LRFN5: variants seen among roughly 807,000 people sequenced by gnomAD.
The protein encoded by LRFN5 is leucine-rich repeat and fibronectin type-III domain-containing protein 5.
Under a neutral mutation model 45.6 loss-of-function variants are expected in LRFN5, and 24 were observed. That is an observed-to-expected ratio of 0.53 (90% confidence interval 0.38 to 0.74). The LOEUF (loss-of-function observed/expected upper bound fraction) is 0.74. Ranked by LOEUF, LRFN5 falls within the 30% of genes least tolerant of loss-of-function variation. LRFN5 has a pLI of 0.00. For synonymous variants in LRFN5, 340 were observed against 313.8 expected (o/e 1.08, Z -0.88); for missense variants, 776 against 861.5 (o/e 0.90, Z 1.24).
intron 2 of LRFN5, among the ~76,000 whole-genome samples, chr14:41,851,445 T>C (rs905156059): frequency 6.6e-6 from 1 of 151,880 alleles, no homozygotes; most frequent in Admixed American, 6.6e-5. Context: ...CTTTTGATTA[T>C]GTTACATATG....
chr14:41,891,073 C>CA (rs1890763004), intron 3 of LRFN5, among the ~76,000 whole-genome samples, 177 bp from the exon 4 acceptor site: 1 of 152,080 alleles, frequency 6.6e-6, no homozygotes, highest in African/African-American at 2.4e-5. Context: ...CAGATGCTGA[C>CA]AAGGACTTTT....
At chr14:41,890,649 T>C (rs566253385) in intron 3 of LRFN5, among the ~76,000 whole-genome samples, 1 of 151,558 alleles carries the variant, frequency 6.6e-6, no homozygotes. Flanking sequence ...GGAGCTTTCA[T>C]TGAGCCGAGA....
At chr14:41,765,629 C>G (rs919958965) in intron 1 of LRFN5, among the ~76,000 whole-genome samples, 5 of 152,100 alleles carry the variant, frequency 3.3e-5, no homozygotes, top group Non-Finnish European at 5.9e-5. Context: ...ATTGCTGTAT[C>G]AACATGGTTG....
chr14:41,640,535 C>G (rs1879529058), intron 1 of LRFN5, among the ~76,000 whole-genome samples: 1 of 152,034 alleles, frequency 6.6e-6, no homozygotes, highest in African/African-American at 2.4e-5. Context: ...AGGAGAAATA[C>G]ACAGGAAAGA....
chr14:41,672,345 T>G (rs1442429469), intron 1 of LRFN5, among the ~76,000 whole-genome samples: 1 of 152,224 alleles, frequency 6.6e-6, no homozygotes, highest in East Asian at 1.9e-4. Flanking sequence ...TTCTCTTTAT[T>G]TATTAAAATT....
chr14:41,740,286 A>C (rs1884634766), intron 1 of LRFN5, among the ~76,000 whole-genome samples: 1 of 152,042 alleles, frequency 6.6e-6, no homozygotes, highest in Non-Finnish European at 1.5e-5. Context: ...ATGGAGCAAA[A>C]ATCCTCAAGA....
At chr14:41,833,296 C>G (rs529357771) in intron 2 of LRFN5, among the ~76,000 whole-genome samples, 158 of 152,290 alleles carry the variant, frequency 1.0e-3, no homozygotes, top group African/African-American at 3.5e-3. Flanking sequence ...TTGTTAGGAT[C>G]CTCTGCTGAG....
chr14:41,815,235 G>T (rs1887876098), intron 2 of LRFN5, among the ~76,000 whole-genome samples: 1 of 152,064 alleles, frequency 6.6e-6, no homozygotes, highest in Non-Finnish European at 1.5e-5. Context: ...TCAGGTACAT[G>T]CATGTTAATA....
rs1295641974 is a variant in LRFN5 at position 41,891,688 on chromosome 14, C to T, written c.1824C>T (p.Asp608=). 17 of 1,614,106 alleles carry T rather than the reference C, an allele frequency of 1.1e-5. No homozygotes were observed. Among genetic ancestry groups the T allele is most frequent in the Non-Finnish European group, 1.4e-5 (16 of 1,180,048 alleles). The part of the protein sequence containing the change: ...ENAQCCKATS[D]NVIQSSETCS... The stretch of plus-strand genomic sequence containing the variant: ...CCCAGTGTTGTAAAGCTACCAGTGA[C>T]AATGTGATTCAATCTTCAGAAACTT... Residue 608 remains aspartate (D), a synonymous_variant, in exon 4 of 6, where the codon GAC becomes GAT. Coordinates refer to ENST00000298119, the MANE Select transcript of LRFN5 (RefSeq NM_152447.5).
chr14:41,778,464 CT>C (rs1886370962), intron 2 of LRFN5, among the ~76,000 whole-genome samples: 1 of 151,534 alleles, frequency 6.6e-6, no homozygotes, highest in Non-Finnish European at 1.5e-5. Context: ...CAGTTTATTT[CT>C]TTGATTATCG....
intron 2 of LRFN5, among the ~76,000 whole-genome samples, chr14:41,863,647 C>A (rs1388410823): frequency 2.0e-5 from 3 of 152,080 alleles, no homozygotes; most frequent in Non-Finnish European, 4.4e-5. Context: ...AAATACAATT[C>A]TTTGAAATTT....
intron 1 of LRFN5, among the ~76,000 whole-genome samples, chr14:41,664,834 G>A (rs142775561): frequency 7.4e-4 from 113 of 151,868 alleles, no homozygotes; most frequent in African/African-American, 2.6e-3. Flanking sequence ...TAACATGTTG[G>A]TATTGATTGA....
intron 1 of LRFN5, among the ~76,000 whole-genome samples, chr14:41,671,980 TGTTC>T (rs1566613376): frequency 6.6e-6 from 1 of 152,216 alleles, no homozygotes; most frequent in African/African-American, 2.4e-5. Context: ...CATCTAACCA[TGTTC>T]AAGGTCTAAC....
chr14:41,790,171 C>A (rs1267901663), intron 2 of LRFN5, among the ~76,000 whole-genome samples: 2 of 151,874 alleles, frequency 1.3e-5, no homozygotes, highest in Non-Finnish European at 1.5e-5. Context: ...TTTCGAGAGA[C>A]ACTTTTTCTA....
At chr14:41,707,682 AG>A (rs750269691) in intron 1 of LRFN5, among the ~76,000 whole-genome samples, 1 of 152,056 alleles carries the variant, frequency 6.6e-6, no homozygotes, top group Non-Finnish European at 1.5e-5. Context: ...ATTATTTTCA[AG>A]TGTTAGCAAA....
At chr14:41,783,050 A>G (rs1886588797) in intron 2 of LRFN5, among the ~76,000 whole-genome samples, 1 of 144,354 alleles carries the variant, frequency 6.9e-6, no homozygotes, top group Admixed American at 7.3e-5. Flanking sequence ...CTTTCTCGAG[A>G]TGGTACAAGG....
At chr14:41,819,459 C>T (rs1407484986) in intron 2 of LRFN5, among the ~76,000 whole-genome samples, 3 of 151,984 alleles carry the variant, frequency 2.0e-5, no homozygotes, top group East Asian at 3.9e-4. Flanking sequence ...TGCATTTCTC[C>T]GATGACTAGT....
chr14:41,845,964 G>A (rs578184262), intron 2 of LRFN5, among the ~76,000 whole-genome samples: 1 of 152,284 alleles, frequency 6.6e-6, no homozygotes, highest in East Asian at 1.9e-4. Flanking sequence ...ACTTGTTAAA[G>A]TATTTGTTTC....
At position 41,715,614 on chromosome 14, in the gene LRFN5, T is replaced by A. The variant is rs1300652731; in HGVS notation, c.-196-51240T>A. Among the ~76,000 whole-genome samples the A allele has an allele frequency of 4.6e-5, 7 of 152,122 alleles. No homozygotes were observed. In the East Asian group the frequency reaches 1.2e-3, roughly 25 times the overall value. Reference sequence around the variant, plus strand: ...CAGACTGGGAAATTTATAAGGAAAATAAGTTTATTCAGCTCACATTTCTGG... The same window carrying A: ...CAGACTGGGAAATTTATAAGGAAAAAAAGTTTATTCAGCTCACATTTCTGG... On this transcript the variant is annotated intron_variant, in intron 1 of 5. Coordinates refer to ENST00000298119, the MANE Select transcript of LRFN5 (RefSeq NM_152447.5).
Sources: gnomAD v4.1 joint callset for allele counts (sites outside exome capture counted in the v4.1 genomes callset) on GRCh38, gnomAD v4.1.1 for gene constraint, MANE v1.5 for transcripts, NCBI Gene and HGNC (gene_info 2026-07-23, HGNC 2026-07-21) for gene names.